TMEM132D: variants seen among roughly 807,000 people sequenced by gnomAD.
TMEM132D encodes the protein transmembrane protein 132D.
Under a neutral mutation model 62.3 loss-of-function variants are expected in TMEM132D, and 21 were observed. The ratio of observed to expected loss-of-function variants is 0.34; its 90% CI spans 0.24 to 0.49. The LOEUF (loss-of-function observed/expected upper bound fraction) is 0.49, where lower values mean the gene tolerates loss of function less well. TMEM132D is among the 20% of genes least tolerant of loss of function. The probability of loss-of-function intolerance (pLI) is 0.99; values close to 1 mark genes in which losing one functional copy is unlikely to be tolerated. For synonymous variants in TMEM132D, 621 were observed against 575.6 expected, an observed-to-expected ratio of 1.08 and a Z score of -1.13; for missense variants, 1,346 against 1,402.8, an observed-to-expected ratio of 0.96 and a Z score of 0.65.
intron 6 of TMEM132D, 60 bp from the exon 7 acceptor site, chr12:129,082,092 T>C (rs1874472776): frequency 3.9e-6 from 6 of 1,536,876 alleles, no homozygotes; most frequent in Middle Eastern, 4.7e-4. Flanking sequence ...TAAGGGGCCG[T>C]GTGTGGAGCC....
chr12:129,533,940 TC>T (rs1286229980), intron 2 of TMEM132D, among the ~76,000 whole-genome samples: 1 of 152,198 alleles, frequency 6.6e-6, no homozygotes, highest in African/African-American at 2.4e-5. Flanking sequence ...AACTGGATGG[TC>T]ATTCTTCGGA....
chr12:129,430,972 G>A (rs1872639463), intron 3 of TMEM132D, among the ~76,000 whole-genome samples: 1 of 152,226 alleles, frequency 6.6e-6, no homozygotes, highest in African/African-American at 2.4e-5. Flanking sequence ...ATGCCTGATG[G>A]AGGGAATCTG....
intron 1 of TMEM132D, among the ~76,000 whole-genome samples, chr12:129,709,909 C>G (rs1055652486): frequency 6.6e-6 from 1 of 152,148 alleles, no homozygotes; most frequent in African/African-American, 2.4e-5. Flanking sequence ...AAATTGTAAT[C>G]TCTTAGAATT....
At chr12:129,290,814 G>C (rs1881429135) in intron 4 of TMEM132D, among the ~76,000 whole-genome samples, 1 of 152,162 alleles carries the variant, frequency 6.6e-6, no homozygotes, top group African/African-American at 2.4e-5. Context: ...TGTAACCCAT[G>C]GCAAGGATAC....
At chr12:129,220,659 A>G (rs1042915663) in intron 4 of TMEM132D, among the ~76,000 whole-genome samples, 2 of 152,086 alleles carry the variant, frequency 1.3e-5, no homozygotes, top group Admixed American at 1.3e-4. Context: ...GGAACTATGT[A>G]CCCTCTATGC....
At chr12:129,828,246 C>G (rs540664755) in intron 1 of TMEM132D, among the ~76,000 whole-genome samples, 15 of 152,220 alleles carry the variant, frequency 9.9e-5, no homozygotes, top group Middle Eastern at 3.4e-3. Context: ...GAGAATTTTC[C>G]TTAGCTTGTT....
chr12:129,544,464 G>C (rs1876677312), intron 2 of TMEM132D, among the ~76,000 whole-genome samples: 1 of 152,130 alleles, frequency 6.6e-6, no homozygotes, highest in Non-Finnish European at 1.5e-5. Context: ...AATATACTAA[G>C]TTTATTTGTG....
intron 1 of TMEM132D, among the ~76,000 whole-genome samples, chr12:129,832,035 CTTTTTTTTT>C (rs71085577): frequency 0.074 from 6,932 of 94,184 alleles, 236 homozygotes; most frequent in Middle Eastern, 0.096. Flanking sequence ...ATGCCCGGCT[CTTTTTTTTT>C]TTTTTTTTTT....
In TMEM132D at chr12:129,106,462, CA is replaced by C. The variant is rs200410955; in HGVS notation, c.1444-21761del. The stretch of plus-strand genomic sequence containing the variant: ...AAATAAAAATAAATGCAATCCCTAT[CA>C]AAAAAAAGTTAAAAAATAAAAAAAT... On this transcript the variant is annotated intron_variant, in intron 5 of 8. Coordinates refer to ENST00000422113, the MANE Select transcript of TMEM132D (RefSeq NM_133448.3). Among the ~76,000 whole-genome samples the C allele has an allele frequency of 4.0e-5, 6 of 151,664 alleles. No homozygotes were observed. The East Asian group carries it at 5.8e-4, about 15-fold the overall frequency.
chr12:129,795,240 G>A (rs1434014813), intron 1 of TMEM132D, among the ~76,000 whole-genome samples: 1 of 152,116 alleles, frequency 6.6e-6, no homozygotes, highest in African/African-American at 2.4e-5. Flanking sequence ...AAGTGCCTTG[G>A]TTGTTTTTAA....
rs896677392 is a variant in TMEM132D at position 129,371,771 on chromosome 12, A to G, written c.1116-33954T>C. Among the ~76,000 whole-genome samples the G allele has an allele frequency of 1.3e-5, 2 of 152,148 alleles. No individual in the cohort carries two copies. The highest frequency in any genetic ancestry group is 6.5e-5 in the Admixed American group (1 of 15,274). On this transcript the variant is annotated intron_variant, in intron 3 of 8. Coordinates refer to ENST00000422113, the MANE Select transcript of TMEM132D (RefSeq NM_133448.3). This position sits in a 1 kb window ranked among gnomAD's most constrained non-coding sequence, Gnocchi z 4.3. ...TGGAAGTCTATACATAGCTTTACGT[A>G]TCTGCTGAACCTAGTTCAGTGTGTG...
At chr12:129,126,357 TC>T (rs202052542) in intron 5 of TMEM132D, among the ~76,000 whole-genome samples, 2,571 of 118,346 alleles carry the variant, frequency 0.022, 83 homozygotes, top group African/African-American at 0.084. Context: ...AGTTTCTCTC[TC>T]TTTTTTTTTT....
intron 5 of TMEM132D, among the ~76,000 whole-genome samples, chr12:129,095,941 G>C (rs1872711): frequency 4.6e-5 from 7 of 152,088 alleles, no homozygotes; most frequent in Non-Finnish European, 1.0e-4. Flanking sequence ...TCAGTCCCTA[G>C]AGCCTGCTTT....
At chr12:129,640,645 C>G (rs545483819) in intron 2 of TMEM132D, among the ~76,000 whole-genome samples, 19 of 152,306 alleles carry the variant, frequency 1.2e-4, no homozygotes, top group Non-Finnish European at 2.4e-4. Context: ...CCTGCTATAT[C>G]CACTTCCCCC....
intron 1 of TMEM132D, among the ~76,000 whole-genome samples, chr12:129,793,152 G>T (rs535829944): frequency 6.6e-6 from 1 of 151,110 alleles, no homozygotes; most frequent in East Asian, 2.0e-4. Context: ...AGGCTAAAGT[G>T]ATTTCCCACC....
At chr12:129,481,414 G>A (rs1468859896) in intron 3 of TMEM132D, among the ~76,000 whole-genome samples, 1 of 147,074 alleles carries the variant, frequency 6.8e-6, no homozygotes, top group Non-Finnish European at 1.5e-5. Flanking sequence ...TGTGGGTTAT[G>A]ATACCACCAC....
At chr12:129,230,964 C>T (rs1879621648) in intron 4 of TMEM132D, among the ~76,000 whole-genome samples, 1 of 152,234 alleles carries the variant, frequency 6.6e-6, no homozygotes, top group African/African-American at 2.4e-5. Context: ...ATGATCATCA[C>T]CTTCAATGAA....
intron 4 of TMEM132D, among the ~76,000 whole-genome samples, chr12:129,316,421 C>G (rs1868489665): frequency 6.6e-6 from 1 of 152,106 alleles, no homozygotes; most frequent in Non-Finnish European, 1.5e-5. Context: ...CATTCAGGAG[C>G]AGGTTATTTG....
At chr12:129,801,371 T>TCCCTGAC (rs1232602097) in intron 1 of TMEM132D, among the ~76,000 whole-genome samples, 19 of 150,706 alleles carry the variant, frequency 1.3e-4, no homozygotes, top group African/African-American at 4.6e-4. Flanking sequence ...CTCAAGTGGG[T>TCCCTGAC]CCCTGACCCC....
Sources: allele counts gnomAD v4.1 joint callset (sites outside exome capture counted in the v4.1 genomes callset), GRCh38; gene constraint gnomAD v4.1.1; non-coding constraint Gnocchi (gnomAD v3.1); transcripts MANE v1.5; gene names NCBI Gene and HGNC (gene_info 2026-07-23, HGNC 2026-07-21).